The following MON1A variants were observed in gnomAD, a reference collection of about 807,000 sequenced individuals.
The protein encoded by MON1A is MON1 vesicular trafficking associated A, also known as vacuolar fusion protein MON1 homolog A.
A neutral mutation model predicts 44.6 loss-of-function variants in MON1A; 29 were observed. The ratio of observed to expected loss-of-function variants is 0.65; its 90% CI spans 0.48 to 0.89. MON1A has a LOEUF of 0.89. Among genes scored for constraint, MON1A ranks in the 40% least tolerant of loss-of-function variants. MON1A has a pLI of 0.00. For synonymous variants in MON1A, 275 were observed against 316.4 expected, an observed-to-expected ratio of 0.87 and a Z score of 1.39; for missense variants, 615 against 759.6, an observed-to-expected ratio of 0.81 and a Z score of 2.24.
intron 1 of MON1A, among the ~76,000 whole-genome samples, chr3:49,921,542 G>T (rs1166230533): frequency 2.0e-5 from 3 of 150,716 alleles, no homozygotes; most frequent in Admixed American, 6.6e-5. Context: ...AGGCTGAGGT[G>T]GGCGGATCAC....
rs1351134000 is a variant in MON1A at position 49,911,832 on chromosome 3, C to A, written c.307G>T (p.Gly103Cys). Residue 103 changes from glycine (G) to cysteine (C), a missense_variant, in exon 3 of 6, where the codon GGT (glycine) becomes TGT (cysteine). Transcript: ENST00000296473. This position sits in a 1 kb window ranked among gnomAD's most constrained non-coding sequence, Gnocchi z 5.7. ...DFSELSTQLT[G>C]VARDLQEEML... ...TCCTCCTGCAGGTCCCGGGCCACAC[C>A]CGTCAGCTGGGTGCTTAGCTCGCTA... 2 of 1,613,996 alleles carry A rather than the reference C, an allele frequency of 1.2e-6. No homozygotes were observed. Among genetic ancestry groups the A allele is most frequent in the African/African-American group, 2.7e-5 (2 of 74,946 alleles).
rs1297632014 is a variant in MON1A, at chr3:49,910,215, T to C, written c.1283A>G (p.Glu428Gly). 1 of 1,613,996 alleles carries C rather than the reference T, an allele frequency of 6.2e-7. No individual in the cohort carries two copies. The highest frequency in any genetic ancestry group is 2.2e-5 in the East Asian group (1 of 44,888). ...RKRGAHLALR[E>G]ALRTPYYSVA... is the part of the protein sequence containing the mutation. ...GCTGTAGTAGGGTGTGCGCAGTGCC[T>C]CTCGCAGGGCCAGGTGGGCTCCGCG... The change falls in exon 4 of 6, where the codon GAG (glutamate) becomes GGG (glycine). Residue 428 changes from glutamate (E) to glycine (G), a missense_variant. Physicochemically the swap from Glu to Gly is moderately conservative, Grantham distance 98. Coordinates refer to ENST00000296473, the MANE Select transcript of MON1A (RefSeq NM_032355.4). The surrounding 1 kb of genome is among the most constrained non-coding windows in gnomAD (Gnocchi z 8.0).
chr3:49,924,347 G>A (rs6774354), intron 1 of MON1A, among the ~76,000 whole-genome samples: 57,438 of 151,970 alleles, frequency 0.38, 11,361 homozygotes, highest in Non-Finnish European at 0.42. Context: ...TCCACACTGA[G>A]CAGGGCTGAC....
Position 49,925,287 on chromosome 3 carries a change from T to A in MON1A, c.-14+4322A>T, listed in dbSNP as rs181502368. ...GTGCCACCATGCCTGGCTAATTTTT[T>A]AATTTTTTGTAGAGACAGGGTCTCC... On this transcript the variant is annotated intron_variant, in intron 1 of 5. Coordinates refer to ENST00000296473, the MANE Select transcript of MON1A (RefSeq NM_032355.4). 7.1e-3 allele frequency among the ~76,000 whole-genome samples: 1,075 copies of A among 152,106 alleles called. 15 individuals are homozygous for A. The highest frequency in any genetic ancestry group is 0.025 in the African/African-American group (1,025 of 41,494).
rs780513273 is a variant in MON1A at position 49,910,777 on chromosome 3, A to G, written c.721T>C (p.Tyr241His). 5.0e-6 allele frequency: 8 copies of G among 1,614,106 alleles called. No homozygotes were observed. The Admixed American group carries it at 8.3e-5, about 17-fold the overall frequency. Residue 241 changes from tyrosine to histidine, a missense_variant, in exon 4 of 6, where the codon TAC becomes CAC. Coordinates refer to ENST00000296473, the MANE Select transcript of MON1A (RefSeq NM_032355.4). The surrounding 1 kb of genome is among the most constrained non-coding windows in gnomAD (Gnocchi z 8.0). ...CCGGTAAGAAGGCTTAGGATCTGGTAGTAGATGTAGAGCAGCTCCTGCGCC... is the reference window on the plus strand; with the variant it reads ...CCGGTAAGAAGGCTTAGGATCTGGTGGTAGATGTAGAGCAGCTCCTGCGCC... ...ELAQELLYIY[Y>H]QILSLLTGAQ...
intron 1 of MON1A, 32 bp from the exon 2 acceptor site, chr3:49,913,391 T>A: frequency 6.3e-7 from 1 of 1,589,150 alleles, no homozygotes; most frequent in Non-Finnish European, 8.6e-7. Flanking sequence ...CATCGATGGC[T>A]TTTGGCAGGG....
rs536248538 is a variant in MON1A, at chr3:49,909,026, G to A, written c.1656C>T (p.Pro552=). 10 of 1,613,224 alleles carry A rather than the reference G, an allele frequency of 6.2e-6. No homozygotes were observed. In the African/African-American group the frequency reaches 1.3e-4, roughly 21 times the overall value. The change falls in exon 6 of 6, where the codon CCC becomes CCT. Residue 552 remains proline (P), a synonymous_variant. Transcript: ENST00000296473. The surrounding 1 kb of genome is among the most constrained non-coding windows in gnomAD (Gnocchi z 4.0). ...GCACACATTCCCATCAATAGGTGAG[G>A]GGCGTGAGAATGAAGAGGCGGTCTT... The part of the protein sequence containing the change: ...KEEDRLFILT[P]LTY
chr3:49,910,975 C>G lies in MON1A; in HGVS notation c.614-91G>C, dbSNP rs944430009. ...AGCGCAGCTCTTCGCTTTCCCCATCCTTTCCTCGCTCAGAGCTCTGCGCAC... is the reference window on the plus strand; with the variant it reads ...AGCGCAGCTCTTCGCTTTCCCCATCGTTTCCTCGCTCAGAGCTCTGCGCAC... On this transcript the variant is annotated intron_variant, in intron 3 of 5. Coordinates refer to ENST00000296473, the MANE Select transcript of MON1A (RefSeq NM_032355.4). This position sits in a 1 kb window ranked among gnomAD's most constrained non-coding sequence, Gnocchi z 8.0. The G allele has an allele frequency of 3.2e-6, 4 of 1,268,852 alleles. No homozygotes were observed. The highest frequency in any genetic ancestry group is 3.2e-6 in the Non-Finnish European group (3 of 923,276). 78.6% of individuals were successfully genotyped at this position (1,268,852 alleles called of 1,614,324 possible).
chr3:49,925,175 T>A (rs2083042999), intron 1 of MON1A, among the ~76,000 whole-genome samples: 3 of 152,150 alleles, frequency 2.0e-5, no homozygotes, highest in Non-Finnish European at 4.4e-5. Context: ...AGTGCAATAG[T>A]GTGATCATGG....
At chr3:49,918,559 C>T (rs2082968486) in intron 1 of MON1A, among the ~76,000 whole-genome samples, 1 of 151,764 alleles carries the variant, frequency 6.6e-6, no homozygotes, top group Non-Finnish European at 1.5e-5. Flanking sequence ...TTACAAGCAC[C>T]CACCACTTCG....
Position 49,910,630 on chromosome 3 carries a change from T to G in MON1A, c.868A>C (p.Met290Leu). The G allele has an allele frequency of 6.2e-7, 1 of 1,603,340 alleles. No individual in the cohort carries two copies. Among genetic ancestry groups the G allele is most frequent in the South Asian group, 1.1e-5 (1 of 90,174 alleles). ...AGGGGCAGGCACCGTGCCGCCCCCA[T>G]CAGGAAGCTGGGGTCTCGTGCCATG... ...QLMARDPSFL[M>L]GAARCLPLAA... is the part of the protein sequence containing the mutation. The change falls in exon 4 of 6, where the codon ATG becomes CTG. Residue 290 changes from methionine to leucine, a missense_variant. Physicochemically the swap from Met to Leu is conservative, Grantham distance 15 (BLOSUM62 2). Coordinates refer to ENST00000296473, the MANE Select transcript of MON1A (RefSeq NM_032355.4). The surrounding 1 kb of genome is among the most constrained non-coding windows in gnomAD (Gnocchi z 8.0).
At chr3:49,927,793 C>T (rs957194121) in intron 1 of MON1A, among the ~76,000 whole-genome samples, 4 of 151,912 alleles carry the variant, frequency 2.6e-5, no homozygotes. Flanking sequence ...CCCAGCTACT[C>T]AGGAGGCTGA....
Position 49,909,475 on chromosome 3 carries a change from T to C in MON1A, c.1380-75A>G. The C allele has an allele frequency of 1.3e-6, 2 of 1,570,816 alleles. No individual in the cohort carries two copies. The highest frequency in any genetic ancestry group is 1.1e-5 in the South Asian group (1 of 87,594). On this transcript the variant is annotated intron_variant, in intron 4 of 5. Transcript: ENST00000296473. This position sits in a 1 kb window ranked among gnomAD's most constrained non-coding sequence, Gnocchi z 4.0. ...TCTTCTCTAGAGATTTAGAAACACC[T>C]ATTCCTATCCAGGAAGACTCTATCT...
chr3:49,923,523 A>C (rs1359255305), intron 1 of MON1A, among the ~76,000 whole-genome samples: 2 of 147,742 alleles, frequency 1.4e-5, no homozygotes, highest in African/African-American at 5.0e-5. Flanking sequence ...GGAGTGCAAC[A>C]GCGCAATCTC....
intron 1 of MON1A, among the ~76,000 whole-genome samples, chr3:49,922,852 C>T (rs1209829888): frequency 6.6e-6 from 1 of 151,680 alleles, no homozygotes; most frequent in East Asian, 2.0e-4. Flanking sequence ...GCTGGGACTA[C>T]AGGCGTGTGC....
rs374198912 is a variant in MON1A, at chr3:49,911,131, T to TCAACTGG, written c.614-254_614-248dup. On this transcript the variant is annotated intron_variant, in intron 3 of 5. Coordinates refer to ENST00000296473, the MANE Select transcript of MON1A (RefSeq NM_032355.4). This position sits in a 1 kb window ranked among gnomAD's most constrained non-coding sequence, Gnocchi z 5.7. ...ACACATTCTTATGCTAAGTGCTAAG[T>TCAACTGG]CAACTGGCAACTGGCAAGGGCTGGC... Among the ~76,000 whole-genome samples, 5 of 151,412 alleles carry TCAACTGG rather than the reference T, an allele frequency of 3.3e-5. 1 individual carries two copies. Among genetic ancestry groups the TCAACTGG allele is most frequent in the Admixed American group, 3.3e-4 (5 of 15,146 alleles).
chr3:49,909,894 T>C lies in MON1A; in HGVS notation c.1379+225A>G. 1 of 506,544 alleles carries C rather than the reference T, an allele frequency of 2.0e-6. No individual in the cohort carries two copies. Among genetic ancestry groups the C allele is most frequent in the East Asian group, 3.1e-5 (1 of 32,370 alleles). 31.4% of individuals were successfully genotyped at this position (506,544 alleles called of 1,614,324 possible). On this transcript the variant is annotated intron_variant, in intron 4 of 5. Coordinates refer to ENST00000296473, the MANE Select transcript of MON1A (RefSeq NM_032355.4). This position sits in a 1 kb window ranked among gnomAD's most constrained non-coding sequence, Gnocchi z 4.0. Reference sequence around the variant, plus strand: ...GTTCCAGTTTCCTTCTCTGGGTATATTGGGCATTTCCAGGCCTTCTGGTTA... The same window carrying C: ...GTTCCAGTTTCCTTCTCTGGGTATACTGGGCATTTCCAGGCCTTCTGGTTA...
At chr3:49,922,023 G>C (rs2083000527) in intron 1 of MON1A, among the ~76,000 whole-genome samples, 1 of 152,054 alleles carries the variant, frequency 6.6e-6, no homozygotes, top group Middle Eastern at 3.4e-3. Context: ...TGTAATCCCA[G>C]CTACTTGGGA....
chr3:49,916,654 A>G (rs979259161), intron 1 of MON1A: 2 of 152,298 alleles, frequency 1.3e-5, no homozygotes, highest in Non-Finnish European at 2.9e-5. Flanking sequence ...CCATCAGGAC[A>G]ATCAAGAGTA....
Sources: gnomAD v4.1 joint callset for allele counts (sites outside exome capture counted in the v4.1 genomes callset) on GRCh38, gnomAD v4.1.1 for gene constraint, Gnocchi (gnomAD v3.1) non-coding constraint, MANE v1.5 for transcripts, NCBI Gene and HGNC (gene_info 2026-07-23, HGNC 2026-07-21) for gene names.